GRID1: variants seen among roughly 807,000 people sequenced by gnomAD.
The protein encoded by GRID1 is glutamate ionotropic receptor delta type subunit 1.
In GRID1, 28 loss-of-function variants were observed where a neutral mutation model predicts 98.0. The observed-to-expected ratio is 0.29, with a 90% confidence interval of 0.21 to 0.39. The LOEUF (loss-of-function observed/expected upper bound fraction) is 0.39. Ranked by LOEUF, GRID1 falls within the 10% of genes least tolerant of loss-of-function variation. The pLI is 1.00. For synonymous variants in GRID1, 553 were observed against 538.5 expected, an observed-to-expected ratio of 1.03 and a Z score of -0.37; for missense variants, 1,111 against 1,340.5, an observed-to-expected ratio of 0.83 and a Z score of 2.67.
At chr10:85,975,960 A>C (rs776948445) in intron 4 of GRID1, among the ~76,000 whole-genome samples, 2 of 152,164 alleles carry the variant, frequency 1.3e-5, no homozygotes, top group African/African-American at 2.4e-5. Context: ...CATCTGTGAG[A>C]ACACCAGGAA....
intron 8 of GRID1, among the ~76,000 whole-genome samples, chr10:85,833,886 A>G (rs1242805866): frequency 1.3e-5 from 2 of 152,212 alleles, no homozygotes; most frequent in Non-Finnish European, 2.9e-5. Context: ...TAGAGGATAC[A>G]GTCAGCAAAC....
chr10:85,794,622 C>T (rs1290663034), intron 8 of GRID1, among the ~76,000 whole-genome samples: 1 of 152,218 alleles, frequency 6.6e-6, no homozygotes, highest in Non-Finnish European at 1.5e-5. Flanking sequence ...AGTGTTGTTT[C>T]TCTCAATCTA....
In GRID1 at chr10:85,769,584, A is replaced by G. The variant is rs555738684; in HGVS notation, c.1234-39970T>C. 3.5e-3 allele frequency among the ~76,000 whole-genome samples: 530 copies of G among 152,314 alleles called. 5 individuals carry two copies. Among genetic ancestry groups the G allele is most frequent in the African/African-American group, 0.012 (507 of 41,572 alleles). The stretch of plus-strand genomic sequence containing the variant: ...CCCTTTCCGAGTCAAAGAAAGGGGT[A>G]ACAGACGGCACCTGGGAAATCGGGT... On this transcript the variant is annotated intron_variant, in intron 8 of 15. Transcript: ENST00000327946.
rs190799577 is a variant in GRID1 at position 86,133,190 on chromosome 10, T to C, written c.726+5629A>G. 7.9e-4 allele frequency among the ~76,000 whole-genome samples: 121 copies of C among 152,324 alleles called. 2 individuals carry two copies. In the East Asian group the frequency reaches 0.02, roughly 25 times the overall value. ...CCTGGTGGATGTGTATGCATATTGA[T>C]GTGTGGATCTGCACAGGTGCATGTG... On this transcript the variant is annotated intron_variant, in intron 4 of 15. Transcript: ENST00000327946.
At chr10:85,617,233 C>G (rs376769903) in intron 14 of GRID1, among the ~76,000 whole-genome samples, 84 of 143,576 alleles carry the variant, frequency 5.9e-4, no homozygotes, top group African/African-American at 1.7e-3. Context: ...AAGCCCCCCC[C>G]CCCTTTTATT....
intron 3 of GRID1, among the ~76,000 whole-genome samples, chr10:86,187,706 C>T (rs755735575): frequency 7.1e-4 from 108 of 152,204 alleles, no homozygotes; most frequent in Non-Finnish European, 1.2e-3. Context: ...AGAGGCATCA[C>T]GCCTGCTCAG....
intron 12 of GRID1, among the ~76,000 whole-genome samples, chr10:85,717,577 T>C (rs1368310957): frequency 6.6e-6 from 1 of 152,166 alleles, no homozygotes; most frequent in East Asian, 1.9e-4. Flanking sequence ...GAGATACAAT[T>C]CAAGCTGAGA....
At chr10:85,817,839 C>T (rs138727170) in intron 8 of GRID1, among the ~76,000 whole-genome samples, 2,621 of 152,010 alleles carry the variant, frequency 0.017, 75 homozygotes, top group Admixed American at 0.068. Context: ...TGCAGTGAGC[C>T]GAGATCTTGC....
intron 8 of GRID1, among the ~76,000 whole-genome samples, chr10:85,821,087 A>C (rs936706091): frequency 5.3e-5 from 8 of 152,280 alleles, no homozygotes; most frequent in Admixed American, 1.3e-4. Flanking sequence ...AACAATAAAA[A>C]GAAAAGACCT....
intron 3 of GRID1, among the ~76,000 whole-genome samples, chr10:86,172,497 C>T (rs1236368323): frequency 2.6e-5 from 4 of 152,190 alleles, no homozygotes; most frequent in Admixed American, 6.5e-5. Context: ...AGAGCCCACA[C>T]TTAAGCCTCT....
At chr10:86,074,908 T>C (rs1364927380) in intron 4 of GRID1, among the ~76,000 whole-genome samples, 2 of 152,352 alleles carry the variant, frequency 1.3e-5, no homozygotes, top group Non-Finnish European at 2.9e-5. Context: ...CATTGAATAT[T>C]ATTGTAGTTG....
At chr10:85,857,533 G>T (rs902276454) in intron 6 of GRID1, among the ~76,000 whole-genome samples, 1 of 152,110 alleles carries the variant, frequency 6.6e-6, no homozygotes, top group Non-Finnish European at 1.5e-5. Context: ...GGACATTGGA[G>T]CACAAAGGAG....
chr10:85,643,200 C>A (rs1235885427), intron 13 of GRID1, among the ~76,000 whole-genome samples: 1 of 152,186 alleles, frequency 6.6e-6, no homozygotes, highest in Non-Finnish European at 1.5e-5. Context: ...AACTGAAAAT[C>A]AGAAGTGTGA....
intron 8 of GRID1, among the ~76,000 whole-genome samples, chr10:85,741,854 C>G (rs1350296399): frequency 6.6e-6 from 1 of 152,006 alleles, no homozygotes; most frequent in Non-Finnish European, 1.5e-5. Flanking sequence ...CTTTCACTTT[C>G]TCTTTCAAGC....
intron 8 of GRID1, among the ~76,000 whole-genome samples, chr10:85,749,834 C>T (rs1842029852): frequency 6.6e-6 from 1 of 152,136 alleles, no homozygotes; most frequent in South Asian, 2.1e-4. Context: ...TATCATTTTC[C>T]CTAAAGGGAT....
chr10:86,021,498 T>G (rs1019723596), intron 4 of GRID1, among the ~76,000 whole-genome samples: 2 of 152,138 alleles, frequency 1.3e-5, no homozygotes, highest in African/African-American at 4.8e-5. Flanking sequence ...TCTTTTCTTC[T>G]GCTTGAGGCT....
intron 3 of GRID1, among the ~76,000 whole-genome samples, chr10:86,173,281 C>T (rs897760815): frequency 3.9e-5 from 6 of 152,200 alleles, no homozygotes; most frequent in Non-Finnish European, 7.3e-5. Flanking sequence ...TCAAGTGATC[C>T]TCCTGCCTCG....
rs1190710128 is a variant in GRID1, at chr10:86,366,697, G to C, written c.-305C>G. Among the ~76,000 whole-genome samples the C allele has an allele frequency of 1.3e-5, 2 of 149,770 alleles. No individual in the cohort carries two copies. Among genetic ancestry groups the C allele is most frequent in the African/African-American group, 4.9e-5 (2 of 41,232 alleles). Reference sequence around the variant, plus strand: ...GTGGCAGCGGCGCTTCCCGCGGCTAGAGCGGCTTCGGGGGAGGCTGAGGCG... The same window carrying C: ...GTGGCAGCGGCGCTTCCCGCGGCTACAGCGGCTTCGGGGGAGGCTGAGGCG... On this transcript the variant is annotated 5_prime_UTR_variant, in exon 1 of 16. Transcript: ENST00000327946. The surrounding 1 kb of genome is among the most constrained non-coding windows in gnomAD (Gnocchi z 4.1).
At chr10:86,217,616 C>T (rs895014159) in intron 2 of GRID1, among the ~76,000 whole-genome samples, 1 of 152,114 alleles carries the variant, frequency 6.6e-6, no homozygotes, top group African/African-American at 2.4e-5. Context: ...AAGAGGCAGC[C>T]GGCTTCCCAG....
Sources: allele counts gnomAD v4.1 joint callset (sites outside exome capture counted in the v4.1 genomes callset), GRCh38; gene constraint gnomAD v4.1.1; non-coding constraint Gnocchi (gnomAD v3.1); transcripts MANE v1.5; gene names NCBI Gene and HGNC (gene_info 2026-07-23, HGNC 2026-07-21).